The following DNAH10 variants were observed in gnomAD, a reference collection of about 807,000 sequenced individuals.
DNAH10 encodes dynein axonemal heavy chain 10.
In DNAH10, 348 loss-of-function variants were observed where a neutral mutation model predicts 506.6. That is an observed-to-expected ratio of 0.69 (90% confidence interval 0.63 to 0.75). The LOEUF is 0.75. Among genes scored for constraint, DNAH10 ranks in the 30% least tolerant of loss-of-function variants. DNAH10 has a pLI of 0.00. For synonymous variants in DNAH10, 2,059 were observed against 2,198.6 expected (o/e 0.94, Z 1.78); for missense variants, 5,179 against 5,787.1 (o/e 0.89, Z 3.41).
chr12:123,833,406 A>G (rs1594141262), intron 27 of DNAH10, 59 bp downstream of exon 27: 1 of 1,341,640 alleles, frequency 7.5e-7, no homozygotes, highest in East Asian at 2.5e-5. Context: ...TGGCTTTTAT[A>G]TGAGGATATT....
At position 123,909,108 on chromosome 12, in the gene DNAH10, C is replaced by T. The variant is rs1317483625; in HGVS notation, c.9816-153C>T. ...TTAGGGACGCTCCCGCCCAGGAGTG[C>T]GGTTTGTGTTGGGACCTGGCTTCTT... On this transcript the variant is annotated intron_variant, in intron 57 of 78. Transcript: ENST00000673944. The surrounding 1 kb of genome is among the most constrained non-coding windows in gnomAD (Gnocchi z 5.4). Among the ~76,000 whole-genome samples the T allele has an allele frequency of 1.3e-5, 2 of 152,176 alleles. No homozygotes were observed. The highest frequency in any genetic ancestry group is 3.9e-4 in the East Asian group (2 of 5,194).
intron 52 of DNAH10, among the ~76,000 whole-genome samples, chr12:123,889,957 CT>C (rs1331873538): frequency 6.6e-6 from 1 of 152,200 alleles, no homozygotes; most frequent in Non-Finnish European, 1.5e-5. Flanking sequence ...GCAAACTCAG[CT>C]GCTTCTCTCT....
chr12:123,866,130 A>C, intron 41 of DNAH10, 57 bp downstream of exon 41: 1 of 1,461,802 alleles, frequency 6.8e-7, no homozygotes, highest in Non-Finnish European at 9.1e-7. Context: ...CTAGTTGGAT[A>C]ACATAGTCCA....
rs186023735 is a variant in DNAH10, at chr12:123,931,899, G to T, written c.13129-42G>T. The T allele has an allele frequency of 4.5e-5, 73 of 1,612,900 alleles. 1 individual carries two copies. In the African/African-American group the frequency reaches 7.1e-4, roughly 16 times the overall value. ...ACTGCCTAGATACGTGGCACCTGGG[G>T]TTCTGATAGAGTCCTGCCCGATTGC... On this transcript the variant is annotated intron_variant, in intron 75 of 78. Transcript: ENST00000673944.
intron 2 of DNAH10, among the ~76,000 whole-genome samples, chr12:123,770,478 G>A (rs535337531): frequency 1.3e-4 from 16 of 122,660 alleles, no homozygotes; most frequent in Non-Finnish European, 2.3e-4. Context: ...GCACCTGCTC[G>A]TAAGTGTGAT....
In DNAH10 at chr12:123,781,200, G is replaced by A; in HGVS notation, c.742G>A (p.Ala248Thr). The change falls in exon 6 of 79, where the codon GCA (alanine) becomes ACA (threonine). Residue 248 changes from alanine to threonine, a missense_variant. Transcript: ENST00000673944. ...AGACCTGCCGCCCATGCCTGGGGAG[G>A]CAGTAGAATATCACAGTATTCAATT... ...ESDLPPMPGEAVEYHSIQLIR... is the reference protein window; with the variant it reads ...ESDLPPMPGETVEYHSIQLIR... 1 of 1,614,112 alleles carries A rather than the reference G, an allele frequency of 6.2e-7. No individual in the cohort carries two copies. Among genetic ancestry groups the A allele is most frequent in the Non-Finnish European group, 8.5e-7 (1 of 1,180,022 alleles).
rs59542170 is a variant in DNAH10, at chr12:123,795,146, CAAAAAA to C, written c.1986+1045_1986+1050del. Among the ~76,000 whole-genome samples, 10 of 112,278 alleles carry C rather than the reference CAAAAAA, an allele frequency of 8.9e-5. No individual in the cohort carries two copies. The East Asian group carries it at 9.6e-4, about 11-fold the overall frequency. 73.7% of individuals were successfully genotyped at this position (112,278 alleles called of 152,430 possible). A position where few individuals can be genotyped will look rare whatever the true frequency, so the allele number is the denominator to read the frequency against. ...CTGGGCGACGAGTGAAACTTCGTCTCAAAAAAAAAAAAAAAAGAAAAAAGAAAAAAA... is the reference window on the plus strand; with the variant it reads ...CTGGGCGACGAGTGAAACTTCGTCTCAAAAAAAAAAGAAAAAAGAAAAAAA... On this transcript the variant is annotated intron_variant, in intron 12 of 78. Coordinates refer to ENST00000673944, the MANE Select transcript of DNAH10 (RefSeq NM_001372106.1).
Position 123,830,193 on chromosome 12 carries a change from A to G in DNAH10, c.4392-353A>G, listed in dbSNP as rs568812217. ...TCAAATGCACGAGAGCTCATAATTT[A>G]CATGAGGCTCTCAAAAAGGCTGAGT... On this transcript the variant is annotated intron_variant, in intron 25 of 78. Coordinates refer to ENST00000673944, the MANE Select transcript of DNAH10 (RefSeq NM_001372106.1). 2.0e-5 allele frequency among the ~76,000 whole-genome samples: 3 copies of G among 152,370 alleles called. No individual in the cohort carries two copies. The East Asian group carries it at 5.8e-4, about 29-fold the overall frequency.
Position 123,871,617 on chromosome 12 carries a change from A to G in DNAH10, c.7785+15A>G, listed in dbSNP as rs1952040982. 3 of 1,546,402 alleles carry G rather than the reference A, an allele frequency of 1.9e-6. No individual in the cohort carries two copies. The highest frequency in any genetic ancestry group is 1.4e-5 in the African/African-American group (1 of 73,060). ...AAGAAACTAACGTAAGTCATTATTC[A>G]TATGAATTATCTATTGCTGTGTAAC... On this transcript the variant is annotated intron_variant, in intron 45 of 78. Coordinates refer to ENST00000673944, the MANE Select transcript of DNAH10 (RefSeq NM_001372106.1).
chr12:123,889,585 T>G (rs990938298), intron 52 of DNAH10, among the ~76,000 whole-genome samples: 2 of 152,048 alleles, frequency 1.3e-5, no homozygotes, highest in African/African-American at 4.8e-5. Flanking sequence ...GTGCCGTGAG[T>G]GCAAAGGGGA....
In DNAH10 at chr12:123,897,952, ACTC is replaced by A; in HGVS notation, c.9464_9466del (p.Thr3155_Gln3156delinsLys). 2 of 1,594,704 alleles carry A rather than the reference ACTC, an allele frequency of 1.3e-6. No homozygotes were observed. Among genetic ancestry groups the A allele is most frequent in the Non-Finnish European group, 1.7e-6 (2 of 1,174,052 alleles). ...CTATTCAAAATTGCTGGATGAGAAA[ACTC>A]AGTGTAATATAGGTAAGCCTTGGGG... On this transcript the variant is annotated inframe_deletion, in exon 55 of 79. Coordinates refer to ENST00000673944, the MANE Select transcript of DNAH10 (RefSeq NM_001372106.1).
In DNAH10 at chr12:123,785,713, G is replaced by GGC. The variant is rs769568814; in HGVS notation, c.1231-32_1231-31dup. 1 of 1,522,974 alleles carries GGC rather than the reference G, an allele frequency of 6.6e-7. No individual in the cohort carries two copies. The highest frequency in any genetic ancestry group is 1.4e-5 in the African/African-American group (1 of 72,748). The allele number at this position is 1,522,974 out of a possible 1,614,324, so 94.3% of individuals were successfully genotyped here. A position where few individuals can be genotyped will look rare whatever the true frequency, so the allele number is the denominator to read the frequency against. On this transcript the variant is annotated intron_variant, in intron 8 of 78. Coordinates refer to ENST00000673944, the MANE Select transcript of DNAH10 (RefSeq NM_001372106.1). The surrounding 1 kb of genome is among the most constrained non-coding windows in gnomAD (Gnocchi z 4.1). Reference sequence around the variant, plus strand: ...AAACTATTTGGACCCCAAGGCTAAGGGCTCTTGCGTGGCTCTCTCCTCTCT... The same window carrying GGC: ...AAACTATTTGGACCCCAAGGCTAAGGGCGCTCTTGCGTGGCTCTCTCCTCTCT...
chr12:123,838,399 A>T (rs1355905253), intron 28 of DNAH10, 57 bp from the exon 29 acceptor site: 1 of 1,491,326 alleles, frequency 6.7e-7, no homozygotes, highest in Non-Finnish European at 9.1e-7. Context: ...GCTCAAGAAC[A>T]GTGTCTCCGC....
intron 39 of DNAH10, 107 bp from the exon 40 acceptor site, chr12:123,864,488 A>G: frequency 6.9e-7 from 1 of 1,456,580 alleles, no homozygotes; most frequent in East Asian, 2.4e-5. Flanking sequence ...GATACTGGGT[A>G]GAAAACCCTG....
intron 24 of DNAH10, among the ~76,000 whole-genome samples, chr12:123,826,128 AAAT>A (rs1205591708): frequency 6.6e-6 from 1 of 151,476 alleles, no homozygotes. Flanking sequence ...TCTCCAAAAA[AAAT>A]AAAAATAATA....
chr12:123,914,511 G>A lies in DNAH10; in HGVS notation c.10535G>A (p.Arg3512Gln), dbSNP rs373192194. The change falls in exon 61 of 79, where the codon CGG (arginine) becomes CAG (glutamine). Residue 3512 changes from arginine to glutamine, a missense_variant. Around this residue, in one of 3 missense-constraint regions of DNAH10, gnomAD observed 4,844 missense variants for 5,430.5 expected, o/e 0.89. Transcript: ENST00000673944. ...EREIPLSQPF[R>Q]LESLLTDDVE... ...GAGATCCCCCTGAGCCAGCCTTTCC[G>A]GCTGGAAAGCCTGCTCACGGATGAT... 55 of 1,613,486 alleles carry A rather than the reference G, an allele frequency of 3.4e-5. No homozygotes were observed. Among genetic ancestry groups the A allele is most frequent in the African/African-American group, 1.1e-4 (8 of 74,922 alleles).
chr12:123,929,762 A>G lies in DNAH10; in HGVS notation c.12612+3A>G. The stretch of plus-strand genomic sequence containing the variant: ...GCCTCAAGTACCTAATTGGAGAGGT[A>G]GGGGTGACCGGGGATCCTTCCGCAG... On this transcript the variant is annotated splice_donor_region_variant and intron_variant, in intron 72 of 78. Coordinates refer to ENST00000673944, the MANE Select transcript of DNAH10 (RefSeq NM_001372106.1). 6.2e-7 allele frequency: 1 copy of G among 1,609,994 alleles called. No homozygotes were observed.
Position 123,802,918 on chromosome 12 carries a change from ATTGT to A in DNAH10, c.2615-736_2615-733del, listed in dbSNP as rs573946023. On this transcript the variant is annotated intron_variant, in intron 16 of 78. Coordinates refer to ENST00000673944, the MANE Select transcript of DNAH10 (RefSeq NM_001372106.1). The stretch of plus-strand genomic sequence containing the variant: ...TGTCTTTTGCCTATTTTCTAATTAG[ATTGT>A]TTGTTTTCTTTACTGTTGAGTTTTG... 2.2e-4 allele frequency among the ~76,000 whole-genome samples: 34 copies of A among 151,534 alleles called. No homozygotes were observed. In the East Asian group the frequency reaches 6.0e-3, roughly 27 times the overall value.
At position 123,813,906 on chromosome 12, in the gene DNAH10, CCT is replaced by C; in HGVS notation, c.3777_3778del (p.Phe1260SerfsTer3). The C allele has an allele frequency of 6.3e-7, 1 of 1,578,992 alleles. No individual in the cohort carries two copies. Among genetic ancestry groups the C allele is most frequent in the Non-Finnish European group, 8.5e-7 (1 of 1,169,618 alleles). The stretch of plus-strand genomic sequence containing the variant: ...GATACCGTACCATGGCAATGTATAA[CCT>C]CTTTGTAAGTCAACTTGTATTTTCT... ...ERYRTMAMYN[L>X]FPPDAEKELV... is the part of the protein sequence containing the mutation. On this transcript the variant is annotated frameshift_variant, in exon 21 of 79. Coordinates refer to ENST00000673944, the MANE Select transcript of DNAH10 (RefSeq NM_001372106.1). LOFTEE classifies it high-confidence loss of function.
Sources: allele counts gnomAD v4.1 joint callset (sites outside exome capture counted in the v4.1 genomes callset), GRCh38; gene constraint gnomAD v4.1.1; regional missense constraint gnomAD v4.1.1; non-coding constraint Gnocchi (gnomAD v3.1); transcripts MANE v1.5; gene names NCBI Gene and HGNC (gene_info 2026-07-23, HGNC 2026-07-21).